The following IL1RAPL2 variants were observed in gnomAD, a reference collection of about 807,000 sequenced individuals.
IL1RAPL2 encodes interleukin 1 receptor accessory protein like 2.
In IL1RAPL2, 3 loss-of-function variants were observed where a neutral mutation model predicts 44.1. The ratio of observed to expected loss-of-function variants is 0.07; its 90% CI spans 0.03 to 0.18. IL1RAPL2 has a LOEUF of 0.18. Among genes scored for constraint, IL1RAPL2 ranks in the 10% least tolerant of loss-of-function variants. The pLI is 1.00. For missense variants in IL1RAPL2, 391 were observed against 496.4 expected (o/e 0.79, Z 2.02); for synonymous variants, 181 against 178.8 (o/e 1.01, Z -0.10).
rs200297808 is a variant in IL1RAPL2, at chrX:104,922,660, A to T, written c.82+263665A>T. ...AACACACTCAAGCGGGGAAGAAAAAAATCCCACCGAAATGAAAGTAAGTTT... is the reference window on the plus strand; with the variant it reads ...AACACACTCAAGCGGGGAAGAAAAATATCCCACCGAAATGAAAGTAAGTTT... On this transcript the variant is annotated intron_variant, in intron 2 of 10. Transcript: ENST00000372582. Among the ~76,000 whole-genome samples the T allele has an allele frequency of 3.6e-5, 4 of 112,230 alleles. No homozygotes were observed. The East Asian group carries it at 1.1e-3, about 32-fold the overall frequency.
At chrX:105,353,090 T>C (rs1251569848) in intron 5 of IL1RAPL2, among the ~76,000 whole-genome samples, 21 of 111,628 alleles carry the variant, frequency 1.9e-4, no homozygotes, top group African/African-American at 6.8e-4. Context: ...CTTTAATCCA[T>C]CTTGAATTAA....
At chrX:105,499,776 A>G (rs1459299672) in intron 6 of IL1RAPL2, among the ~76,000 whole-genome samples, 1 of 112,082 alleles carries the variant, frequency 8.9e-6, no homozygotes, top group Non-Finnish European at 1.9e-5. Context: ...GGATATGGCA[A>G]AATCAGAAAG....
chrX:104,801,426 A>G (rs1315753876), intron 2 of IL1RAPL2, among the ~76,000 whole-genome samples: 1 of 79,253 alleles, frequency 1.3e-5, no homozygotes, highest in Non-Finnish European at 2.4e-5. Context: ...TATCGACTTG[A>G]GCATTTAGTT....
Position 104,803,349 on chromosome X carries a change from T to A in IL1RAPL2, c.82+144354T>A, listed in dbSNP as rs552170419. Among the ~76,000 whole-genome samples, 86 of 112,064 alleles carry A rather than the reference T, an allele frequency of 7.7e-4. No homozygotes were observed. The South Asian group carries it at 0.031, about 40-fold the overall frequency. On this transcript the variant is annotated intron_variant, in intron 2 of 10. Transcript: ENST00000372582. ...TGTCTGTGCTCAGTTTGGCAATGAA[T>A]CACCTTCTAAACATCCAGAACAATC...
intron 2 of IL1RAPL2, among the ~76,000 whole-genome samples, chrX:105,140,492 G>GCT (rs369740841): frequency 0.088 from 9,791 of 111,654 alleles, 1,036 homozygotes; most frequent in African/African-American, 0.3. Context: ...GCCCTGGTCT[G>GCT]TTTACTTCTG....
intron 5 of IL1RAPL2, among the ~76,000 whole-genome samples, chrX:105,402,015 G>A (rs2035609614): frequency 9.1e-6 from 1 of 110,125 alleles, no homozygotes; most frequent in Non-Finnish European, 1.9e-5. Context: ...GAAGAAAAAT[G>A]CTCCTAAAAT....
At chrX:104,842,694 C>G (rs887973558) in intron 2 of IL1RAPL2, among the ~76,000 whole-genome samples, 1 of 112,316 alleles carries the variant, frequency 8.9e-6, no homozygotes, top group Non-Finnish European at 1.9e-5. Context: ...ATTCCAGACC[C>G]TTTTCACCTG....
At chrX:105,556,497 T>C (rs965275356) in intron 6 of IL1RAPL2, among the ~76,000 whole-genome samples, 5 of 111,167 alleles carry the variant, frequency 4.5e-5, no homozygotes, top group Non-Finnish European at 9.5e-5. Flanking sequence ...CAGCCTATAC[T>C]CAACACCATC....
intron 2 of IL1RAPL2, among the ~76,000 whole-genome samples, chrX:105,083,320 C>T (rs2032437569): frequency 9.0e-6 from 1 of 111,599 alleles, no homozygotes; most frequent in African/African-American, 3.3e-5. Flanking sequence ...ACCAAATCTA[C>T]ATTTGATTGG....
At chrX:104,695,916 T>C (rs1931174542) in intron 2 of IL1RAPL2, among the ~76,000 whole-genome samples, 1 of 111,291 alleles carries the variant, frequency 9.0e-6, no homozygotes, top group Non-Finnish European at 1.9e-5. Context: ...CAAATGATTC[T>C]CCTGCTTCAG....
intron 2 of IL1RAPL2, among the ~76,000 whole-genome samples, chrX:104,880,273 GAGTAA>G (rs1167950069): frequency 9.0e-6 from 1 of 110,867 alleles, no homozygotes; most frequent in African/African-American, 3.3e-5. Context: ...GCAAACTACT[GAGTAA>G]AGCTTCTATA....
chrX:104,943,004 T>C (rs1310496880), intron 2 of IL1RAPL2, among the ~76,000 whole-genome samples: 2 of 111,620 alleles, frequency 1.8e-5, no homozygotes, highest in Admixed American at 1.9e-4. Flanking sequence ...ATTTATTGAT[T>C]TGCGTATATT....
chrX:105,315,629 T>C (rs7876754), intron 5 of IL1RAPL2, among the ~76,000 whole-genome samples: 3,404 of 82,949 alleles, frequency 0.041, 209 homozygotes, highest in African/African-American at 0.13. Flanking sequence ...ACTTACAAGA[T>C]CACAAGGTCC....
intron 6 of IL1RAPL2, among the ~76,000 whole-genome samples, chrX:105,631,927 A>T (rs2037494362): frequency 9.0e-6 from 1 of 111,147 alleles, no homozygotes; most frequent in African/African-American, 3.3e-5. Flanking sequence ...GGTCCCCAGA[A>T]CAGTCTTCCC....
chrX:104,919,496 A>T (rs1182575886), intron 2 of IL1RAPL2, among the ~76,000 whole-genome samples: 1 of 100,614 alleles, frequency 9.9e-6, no homozygotes, highest in African/African-American at 3.7e-5. Flanking sequence ...AAGTGCTGGG[A>T]TTACAGGTGT....
intron 2 of IL1RAPL2, among the ~76,000 whole-genome samples, chrX:104,814,379 A>T (rs1276012431): frequency 8.9e-6 from 1 of 112,164 alleles, no homozygotes; most frequent in Non-Finnish European, 1.9e-5. Flanking sequence ...GCATTGAATT[A>T]GTTTCTGAAT....
chrX:104,722,074 T>G (rs1931690086), intron 2 of IL1RAPL2, among the ~76,000 whole-genome samples: 1 of 111,103 alleles, frequency 9.0e-6, no homozygotes, highest in Non-Finnish European at 1.9e-5. Flanking sequence ...TAGTCCTATC[T>G]ACTTCTAATC....
chrX:104,947,080 G>C (rs901100050), intron 2 of IL1RAPL2, among the ~76,000 whole-genome samples: 3 of 110,638 alleles, frequency 2.7e-5, no homozygotes, highest in Non-Finnish European at 5.7e-5. Flanking sequence ...AGCACTTCTT[G>C]TTTCCTGACT....
chrX:105,354,214 G>A (rs2035182071), intron 5 of IL1RAPL2, among the ~76,000 whole-genome samples: 1 of 110,950 alleles, frequency 9.0e-6, no homozygotes, highest in Admixed American at 9.6e-5. Context: ...TATGTTTATT[G>A]CAGCAGTATT....
Sources: gnomAD v4.1 joint callset for allele counts (sites outside exome capture counted in the v4.1 genomes callset) on GRCh38, gnomAD v4.1.1 for gene constraint, MANE v1.5 for transcripts, NCBI Gene and HGNC (gene_info 2026-07-23, HGNC 2026-07-21) for gene names.